Variants in GAPVD1 observed in about 807,000 individuals in gnomAD.
The protein encoded by GAPVD1 is GTPase-activating protein and VPS9 domain-containing protein 1.
Under a neutral mutation model 155.5 loss-of-function variants are expected in GAPVD1, and 35 were observed. The ratio of observed to expected loss-of-function variants is 0.23; its 90% CI spans 0.17 to 0.30. GAPVD1 has a LOEUF of 0.30. Among genes scored for constraint, GAPVD1 ranks in the 10% least tolerant of loss-of-function variants. GAPVD1 has a pLI of 1.00. For missense variants in GAPVD1, 1,429 were observed against 1,775.7 expected (o/e 0.80, Z 3.51); for synonymous variants, 636 against 619.7 (o/e 1.03, Z -0.39).
At position 125,366,298 on chromosome 9, in the gene GAPVD1, C is replaced by CT. The variant is rs1259928622; in HGVS notation, c.*3557dup. On this transcript the variant is annotated 3_prime_UTR_variant, in exon 28 of 28. Coordinates refer to ENST00000297933, the MANE Select transcript of GAPVD1 (RefSeq NM_001282680.3). ...GACTGGTGTGCTGAACCCGGGCACT[C>CT]TTTTTCCTATTGTTTGCCATGGAAA... 1 of 152,182 alleles carries CT rather than the reference C, an allele frequency of 6.6e-6. No individual in the cohort carries two copies. Among genetic ancestry groups the CT allele is most frequent in the Non-Finnish European group, 1.5e-5 (1 of 68,040 alleles). The allele number at this position is 152,182 out of a possible 1,614,324, so 9.4% of individuals were successfully genotyped here. A position where few individuals can be genotyped will look rare whatever the true frequency, so the allele number is the denominator to read the frequency against.
chr9:125,315,626 G>A (rs981515572), intron 9 of GAPVD1, among the ~76,000 whole-genome samples: 2 of 152,108 alleles, frequency 1.3e-5, no homozygotes, highest in Admixed American at 1.3e-4. Context: ...AGCTACACAG[G>A]TGGCATTTGT....
At chr9:125,270,654 A>G (rs965971321) in intron 2 of GAPVD1, among the ~76,000 whole-genome samples, 7 of 151,924 alleles carry the variant, frequency 4.6e-5, no homozygotes, top group Middle Eastern at 6.8e-3. Flanking sequence ...ATATAAGTGA[A>G]TGGTTGAGGC....
At chr9:125,353,001 G>A (rs909722491) in intron 23 of GAPVD1, among the ~76,000 whole-genome samples, 1 of 152,040 alleles carries the variant, frequency 6.6e-6, no homozygotes, top group African/African-American at 2.4e-5. Context: ...CTAGCTACTT[G>A]GGAGGCTGAG....
intron 1 of GAPVD1, among the ~76,000 whole-genome samples, chr9:125,265,381 G>A (rs1687342864): frequency 6.6e-6 from 1 of 151,766 alleles, no homozygotes; most frequent in South Asian, 2.1e-4. Flanking sequence ...TAGGACTATA[G>A]GTCGGCACCA....
chr9:125,294,382 C>T (rs1839491598), intron 2 of GAPVD1, among the ~76,000 whole-genome samples: 1 of 145,430 alleles, frequency 6.9e-6, no homozygotes, highest in Non-Finnish European at 1.5e-5. Context: ...GAATCTCGCT[C>T]TGTCGCCCAG....
chr9:125,346,769 G>T (rs746545051), intron 19 of GAPVD1, 50 bp from the exon 20 acceptor site: 49 of 1,416,780 alleles, frequency 3.5e-5, no homozygotes, highest in Non-Finnish European at 7.0e-6. Context: ...TAACATCAGA[G>T]GTGGTACAAA....
At chr9:125,329,473 G>A (rs1845760695) in intron 12 of GAPVD1, among the ~76,000 whole-genome samples, 1 of 152,186 alleles carries the variant, frequency 6.6e-6, no homozygotes, top group African/African-American at 2.4e-5. Context: ...ACTTAATGAT[G>A]TGTGTTTTCT....
chr9:125,267,032 G>A (rs1166139811), intron 1 of GAPVD1, among the ~76,000 whole-genome samples: 2 of 152,220 alleles, frequency 1.3e-5, no homozygotes, highest in Non-Finnish European at 2.9e-5. Context: ...TGGGATTACA[G>A]GCATGAGCCA....
At chr9:125,351,121 C>T (rs146129182) in intron 23 of GAPVD1, among the ~76,000 whole-genome samples, 141 of 152,232 alleles carry the variant, frequency 9.3e-4, no homozygotes, top group Middle Eastern at 6.8e-3. Flanking sequence ...ACAATCATGG[C>T]GGAAGGTGAA....
At chr9:125,270,864 A>C (rs1261269178) in intron 2 of GAPVD1, among the ~76,000 whole-genome samples, 1 of 152,026 alleles carries the variant, frequency 6.6e-6, no homozygotes, top group Non-Finnish European at 1.5e-5. Flanking sequence ...AATCGCTTGA[A>C]CCTGGGAGTG....
intron 2 of GAPVD1, among the ~76,000 whole-genome samples, chr9:125,293,390 A>G (rs1447546962): frequency 1.3e-5 from 2 of 150,464 alleles, no homozygotes; most frequent in Non-Finnish European, 2.9e-5. Context: ...TTTGTTCTGT[A>G]TTGTCAGTGC....
chr9:125,349,769 C>T (rs1395380602), intron 21 of GAPVD1, among the ~76,000 whole-genome samples: 2 of 151,478 alleles, frequency 1.3e-5, no homozygotes, highest in Non-Finnish European at 2.9e-5. Context: ...GAGGCCAAGA[C>T]AGGTGGATCG....
intron 2 of GAPVD1, among the ~76,000 whole-genome samples, chr9:125,294,678 C>G (rs937439978): frequency 7.9e-6 from 1 of 125,986 alleles, no homozygotes; most frequent in African/African-American, 2.9e-5. Context: ...TTCAAACTTT[C>G]CTATGGTGCT....
chr9:125,346,725 A>T, intron 19 of GAPVD1, 94 bp from the exon 20 acceptor site: 1 of 986,306 alleles, frequency 1.0e-6, no homozygotes, highest in Non-Finnish European at 1.6e-6. Context: ...TTACCTCCTA[A>T]TCTGCCTTTG....
intron 18 of GAPVD1, 34 bp from the exon 19 acceptor site, chr9:125,342,183 TTA>T: frequency 1.9e-6 from 2 of 1,030,926 alleles, no homozygotes; most frequent in Non-Finnish European, 3.1e-6. Flanking sequence ...GTGCAGTATG[TTA>T]TATGTCACAC....
intron 19 of GAPVD1, 174 bp from the exon 20 acceptor site, chr9:125,346,645 A>T: frequency 1.5e-6 from 1 of 661,688 alleles, no homozygotes; most frequent in African/African-American, 1.8e-5. Context: ...AGGCTCTCAG[A>T]CCTAGAAATG....
chr9:125,272,078 C>CAGTG (rs1367654041), intron 2 of GAPVD1, among the ~76,000 whole-genome samples: 13 of 152,026 alleles, frequency 8.6e-5, no homozygotes, highest in Non-Finnish European at 1.6e-4. Context: ...GGCTGAAGTG[C>CAGTG]AGTGGCATGA....
At chr9:125,310,427 T>C (rs509223) in intron 8 of GAPVD1, among the ~76,000 whole-genome samples, 1,733 of 152,320 alleles carry the variant, frequency 0.011, 27 homozygotes, top group African/African-American at 0.04. Flanking sequence ...TTGTTTTTGC[T>C]TTATGTCTGT....
At chr9:125,289,509 G>A (rs1838252966) in intron 2 of GAPVD1, among the ~76,000 whole-genome samples, 2 of 152,132 alleles carry the variant, frequency 1.3e-5, no homozygotes, top group Admixed American at 6.6e-5. Flanking sequence ...TAGGATTTAC[G>A]AGAAAGAAGG....
Sources: allele counts gnomAD v4.1 joint callset (sites outside exome capture counted in the v4.1 genomes callset), GRCh38; gene constraint gnomAD v4.1.1; transcripts MANE v1.5; gene names NCBI Gene and HGNC (gene_info 2026-07-23, HGNC 2026-07-21).